Variants in ASTN2 observed in about 807,000 individuals in gnomAD.
ASTN2 encodes the protein astrotactin 2.
ASTN2 carries 54 observed loss-of-function variants against 139.8 expected under a neutral mutation model. The ratio of observed to expected loss-of-function variants is 0.39; its 90% CI spans 0.31 to 0.48. ASTN2 has a LOEUF of 0.48. Ranked by LOEUF, ASTN2 falls within the 20% of genes least tolerant of loss-of-function variation. The probability of loss-of-function intolerance (pLI) is 0.95; values close to 1 mark genes in which losing one functional copy is unlikely to be tolerated. For synonymous variants in ASTN2, 756 were observed against 719.5 expected, an observed-to-expected ratio of 1.05 and a Z score of -0.81; for missense variants, 1,565 against 1,725.1, an observed-to-expected ratio of 0.91 and a Z score of 1.64.
chr9:116,839,881 A>ATT (rs71502081), intron 11 of ASTN2, among the ~76,000 whole-genome samples: 2,347 of 127,900 alleles, frequency 0.018, 92 homozygotes, highest in African/African-American at 0.066. Context: ...TATTATTATT[A>ATT]TTTTTTTTTT....
chr9:116,731,548 G>A (rs565079704), intron 14 of ASTN2, among the ~76,000 whole-genome samples: 57 of 151,964 alleles, frequency 3.8e-4, no homozygotes, highest in Middle Eastern at 6.3e-3. Context: ...TCGGCCTCTT[G>A]AGTAGTTGGA....
At chr9:117,082,069 T>A (rs1324796624) in intron 5 of ASTN2, among the ~76,000 whole-genome samples, 1 of 152,168 alleles carries the variant, frequency 6.6e-6, no homozygotes, top group East Asian at 1.9e-4. Flanking sequence ...GTCAACTGGT[T>A]ACTCATAGAA....
intron 7 of ASTN2, among the ~76,000 whole-genome samples, chr9:116,982,815 A>G (rs1433662705): frequency 1.3e-5 from 2 of 152,178 alleles, no homozygotes; most frequent in Non-Finnish European, 2.9e-5. Context: ...TTTGAATGAG[A>G]TAATCCCCGA....
Position 116,551,506 on chromosome 9 carries a change from A to T in ASTN2, c.3356-64006T>A, listed in dbSNP as rs147538668. ...ATAAAACCAGCTCCTGCCCTTCCTG[A>T]CTCCTTGGGACTCAGTTCTATCAGT... On this transcript the variant is annotated intron_variant, in intron 19 of 22. Transcript: ENST00000313400. Among the ~76,000 whole-genome samples the T allele has an allele frequency of 2.6e-5, 4 of 151,754 alleles. No homozygotes were observed. In the East Asian group the frequency reaches 5.8e-4, roughly 22 times the overall value.
intron 1 of ASTN2, among the ~76,000 whole-genome samples, chr9:117,379,932 T>A (rs1048788224): frequency 5.9e-5 from 9 of 152,270 alleles, no homozygotes; most frequent in East Asian, 5.8e-4. Flanking sequence ...GCATATTTTT[T>A]AAAATAGTAC....
chr9:116,459,060 T>C (rs1361016167), intron 20 of ASTN2, among the ~76,000 whole-genome samples: 2 of 152,064 alleles, frequency 1.3e-5, no homozygotes, highest in African/African-American at 4.8e-5. Context: ...AGGACAGATG[T>C]AGATCAATGA....
At position 116,626,485 on chromosome 9, in the gene ASTN2, T is replaced by C. The variant is rs143399942; in HGVS notation, c.3073-6042A>G. Among the ~76,000 whole-genome samples, 109 of 152,232 alleles carry C rather than the reference T, an allele frequency of 7.2e-4. 1 individual carries two copies. The highest frequency in any genetic ancestry group is 2.5e-3 in the African/African-American group (104 of 41,532). On this transcript the variant is annotated intron_variant, in intron 17 of 22. Transcript: ENST00000313400. ...TGTGTACTTGATATTATTGTGTTCT[T>C]CTAACAAAAGAGATGACAGAAATGC...
At chr9:116,888,257 G>A (rs1198300817) in intron 10 of ASTN2, among the ~76,000 whole-genome samples, 2 of 151,860 alleles carry the variant, frequency 1.3e-5, no homozygotes, top group Non-Finnish European at 2.9e-5. Context: ...GTGACACAAT[G>A]AGACCTTGTC....
chr9:116,617,237 A>G (rs1855902799), intron 19 of ASTN2, among the ~76,000 whole-genome samples: 1 of 152,210 alleles, frequency 6.6e-6, no homozygotes, highest in African/African-American at 2.4e-5. Flanking sequence ...AAGCAAAGCA[A>G]AAATAGCCCA....
chr9:116,655,291 T>G (rs1393139724), intron 16 of ASTN2, among the ~76,000 whole-genome samples: 2 of 152,228 alleles, frequency 1.3e-5, no homozygotes, highest in Non-Finnish European at 2.9e-5. Flanking sequence ...TTGCTTCTGA[T>G]TCAACCTTAC....
chr9:116,902,195 C>T (rs1208647621), intron 10 of ASTN2, among the ~76,000 whole-genome samples: 1 of 152,064 alleles, frequency 6.6e-6, no homozygotes, highest in Non-Finnish European at 1.5e-5. Context: ...GAAGACTTTC[C>T]AGTGGGAAAA....
chr9:117,363,275 C>T (rs1485009651), intron 1 of ASTN2, among the ~76,000 whole-genome samples: 1 of 152,132 alleles, frequency 6.6e-6, no homozygotes, highest in Non-Finnish European at 1.5e-5. Context: ...TATACTGTGT[C>T]TGAGGGGAGT....
chr9:117,401,924 C>CTA (rs1224271859), intron 1 of ASTN2, among the ~76,000 whole-genome samples: 1 of 151,968 alleles, frequency 6.6e-6, no homozygotes, highest in East Asian at 1.9e-4. Flanking sequence ...GGCCCATGGG[C>CTA]TATATATAGT....
At chr9:116,902,937 A>G (rs921210497) in intron 10 of ASTN2, among the ~76,000 whole-genome samples, 1 of 152,138 alleles carries the variant, frequency 6.6e-6, no homozygotes, top group African/African-American at 2.4e-5. Flanking sequence ...GCCCAGTAGG[A>G]TCTGACCATC....
At chr9:117,282,246 G>A (rs1289111794) in intron 2 of ASTN2, among the ~76,000 whole-genome samples, 1 of 152,136 alleles carries the variant, frequency 6.6e-6, no homozygotes, top group Non-Finnish European at 1.5e-5. Flanking sequence ...AATCAACATG[G>A]GTTGGATGTT....
At chr9:116,924,729 T>C (rs1834708984) in intron 10 of ASTN2, among the ~76,000 whole-genome samples, 1 of 152,204 alleles carries the variant, frequency 6.6e-6, no homozygotes, top group Non-Finnish European at 1.5e-5. Context: ...GCAGTGAGGA[T>C]GACCAGAGGT....
chr9:116,718,925 A>T (rs1828390166), intron 16 of ASTN2, among the ~76,000 whole-genome samples: 1 of 128,206 alleles, frequency 7.8e-6, no homozygotes, highest in Admixed American at 8.8e-5. Flanking sequence ...TTATTATAAT[A>T]AATCTATATC....
chr9:117,308,342 T>C (rs554685487), intron 1 of ASTN2, among the ~76,000 whole-genome samples: 7 of 152,348 alleles, frequency 4.6e-5, no homozygotes, highest in African/African-American at 1.7e-4. Flanking sequence ...CTGCAATTCA[T>C]GCTCAACACA....
intron 20 of ASTN2, among the ~76,000 whole-genome samples, chr9:116,455,820 A>C (rs1848315932): frequency 6.6e-6 from 1 of 152,060 alleles, no homozygotes; most frequent in East Asian, 1.9e-4. Context: ...TTATATATGG[A>C]AAATAAAAAG....
Sources: gnomAD v4.1 joint callset for allele counts (sites outside exome capture counted in the v4.1 genomes callset) on GRCh38, gnomAD v4.1.1 for gene constraint, MANE v1.5 for transcripts, NCBI Gene and HGNC (gene_info 2026-07-23, HGNC 2026-07-21) for gene names.